FAF1: variants seen among roughly 807,000 people sequenced by gnomAD.
The protein encoded by FAF1 is FAS-associated factor 1.
In FAF1, 25 loss-of-function variants were observed where a neutral mutation model predicts 92.5. That is an observed-to-expected ratio of 0.27 (90% confidence interval 0.20 to 0.38). The LOEUF is 0.38. Among genes scored for constraint, FAF1 ranks in the 10% least tolerant of loss-of-function variants. The pLI is 1.00. For missense variants in FAF1, 636 were observed against 793.3 expected, an observed-to-expected ratio of 0.80 and a Z score of 2.38; for synonymous variants, 234 against 273.2, an observed-to-expected ratio of 0.86 and a Z score of 1.42.
At chr1:50,880,076 C>G (rs1644599639) in intron 1 of FAF1, among the ~76,000 whole-genome samples, 1 of 152,206 alleles carries the variant, frequency 6.6e-6, no homozygotes, top group Non-Finnish European at 1.5e-5. Context: ...GTTAAAACTT[C>G]TATTTTGGCC....
At position 50,919,576 on chromosome 1, in the gene FAF1, C is replaced by T. The variant is rs937380900; in HGVS notation, c.45+40191G>A. ...GGTCTCGGCTCACTGCAACCTCCGCCTCCCGGGTTCAAGCGATTCTCCTGC... is the reference window on the plus strand; with the variant it reads ...GGTCTCGGCTCACTGCAACCTCCGCTTCCCGGGTTCAAGCGATTCTCCTGC... On this transcript the variant is annotated intron_variant, in intron 1 of 18. Coordinates refer to ENST00000396153, the MANE Select transcript of FAF1 (RefSeq NM_007051.3). Among the ~76,000 whole-genome samples the T allele has an allele frequency of 7.2e-5, 11 of 151,968 alleles. No individual in the cohort carries two copies. In the South Asian group the frequency reaches 2.3e-3, roughly 32 times the overall value.
At position 50,857,976 on chromosome 1, in the gene FAF1, TG is replaced by T; in HGVS notation, c.66del (p.Asn22LysfsTer16). On this transcript the variant is annotated frameshift_variant, in exon 2 of 19. Transcript: ENST00000396153. LOFTEE classifies it high-confidence loss of function. ...ADFQACTGIE[N>X]IDEAITLLEQ... The stretch of plus-strand genomic sequence containing the variant: ...TCAAGCAATGTAATAGCTTCGTCAA[TG>T]TTTTCAATGCCAGTACATGCCTGGA... 1 of 1,602,292 alleles carries T rather than the reference TG, an allele frequency of 6.2e-7. No homozygotes were observed. The highest frequency in any genetic ancestry group is 2.3e-5 in the East Asian group (1 of 44,288).
intron 15 of FAF1, among the ~76,000 whole-genome samples, chr1:50,518,805 T>C (rs116102074): frequency 0.032 from 4,812 of 152,256 alleles, 265 homozygotes; most frequent in African/African-American, 0.11. Flanking sequence ...GGTTGCTGTA[T>C]CATAAGTTAA....
chr1:50,483,239 G>T (rs981690734), intron 17 of FAF1, among the ~76,000 whole-genome samples: 2 of 152,010 alleles, frequency 1.3e-5, no homozygotes, highest in Admixed American at 6.6e-5. Flanking sequence ...AATTGTTGCA[G>T]CATCATGTGT....
At chr1:50,726,051 G>A (rs1334916548) in intron 6 of FAF1, among the ~76,000 whole-genome samples, 4 of 151,608 alleles carry the variant, frequency 2.6e-5, no homozygotes, top group African/African-American at 7.3e-5. Context: ...TCAAGAGTTC[G>A]AGACCAGCCT....
At chr1:50,805,776 A>G (rs900557529) in intron 2 of FAF1, among the ~76,000 whole-genome samples, 2 of 152,246 alleles carry the variant, frequency 1.3e-5, no homozygotes, top group African/African-American at 4.8e-5. Flanking sequence ...TGAGACAGGG[A>G]TGTAGAGACA....
chr1:50,933,904 G>A (rs186254481), intron 1 of FAF1, among the ~76,000 whole-genome samples: 64 of 152,284 alleles, frequency 4.2e-4, no homozygotes, highest in Non-Finnish European at 7.9e-4. Context: ...CAGATCTTGT[G>A]AGACTTATTC....
rs35479561 is a variant in FAF1, at chr1:50,457,724, C to CAAAAAAAAAAAAAAAAAAAAAAAAAA, written c.1870-16202_1870-16201insTTTTTTTTTTTTTTTTTTTTTTTTTT. Among the ~76,000 whole-genome samples the CAAAAAAAAAAAAAAAAAAAAAAAAAA allele has an allele frequency of 1.4e-3, 77 of 56,548 alleles. 1 individual carries two copies. Among genetic ancestry groups the CAAAAAAAAAAAAAAAAAAAAAAAAAA allele is most frequent in the Non-Finnish European group, 1.9e-3 (62 of 33,388 alleles). 37.1% of individuals were successfully genotyped at this position (56,548 alleles called of 152,430 possible). A position where few individuals can be genotyped will look rare whatever the true frequency, so the allele number is the denominator to read the frequency against. On this transcript the variant is annotated intron_variant, in intron 18 of 18. Coordinates refer to ENST00000396153, the MANE Select transcript of FAF1 (RefSeq NM_007051.3). ...GCAATTCGGTGAAACCCCATCTCTGCAAAAAAAAAAAAAAAAAAAAAATAC... is the reference window on the plus strand; with the variant it reads ...GCAATTCGGTGAAACCCCATCTCTGCAAAAAAAAAAAAAAAAAAAAAAAAAAAAAAAAAAAAAAAAAAAAAAAATAC...
intron 4 of FAF1, among the ~76,000 whole-genome samples, chr1:50,768,347 A>G (rs1660655197): frequency 6.6e-6 from 1 of 152,162 alleles, no homozygotes; most frequent in South Asian, 2.1e-4. Flanking sequence ...CAATAATAGT[A>G]GACTTCAACA....
At chr1:50,729,163 C>A (rs2124470008) in intron 6 of FAF1, among the ~76,000 whole-genome samples, 1 of 150,368 alleles carries the variant, frequency 6.7e-6, no homozygotes, top group South Asian at 2.1e-4. Context: ...TCAAGTGATT[C>A]TCCTGCCTCA....
intron 18 of FAF1, among the ~76,000 whole-genome samples, chr1:50,443,615 T>A (rs111476427): frequency 1.3e-5 from 2 of 152,178 alleles, no homozygotes; most frequent in Non-Finnish European, 2.9e-5. Flanking sequence ...CCTACCAGTA[T>A]GACTTTGAAG....
chr1:50,740,641 G>A (rs1659345238), intron 5 of FAF1, among the ~76,000 whole-genome samples: 1 of 151,638 alleles, frequency 6.6e-6, no homozygotes, highest in South Asian at 2.1e-4. Flanking sequence ...TAATGCTGCT[G>A]ACTATAACCC....
intron 13 of FAF1, among the ~76,000 whole-genome samples, chr1:50,546,391 A>T (rs1316731350): frequency 1.3e-5 from 2 of 152,158 alleles, no homozygotes; most frequent in African/African-American, 4.8e-5. Context: ...TTTGAGACAG[A>T]GTCTCACTCT....
At chr1:50,576,674 G>A (rs1235669542) in intron 12 of FAF1, among the ~76,000 whole-genome samples, 1 of 125,676 alleles carries the variant, frequency 8.0e-6, no homozygotes, top group Non-Finnish European at 1.6e-5. Flanking sequence ...ATATGATCTT[G>A]TTCTCTTGCC....
chr1:50,450,107 T>C (rs1002543557), intron 18 of FAF1, among the ~76,000 whole-genome samples: 5 of 151,442 alleles, frequency 3.3e-5, no homozygotes, highest in African/African-American at 9.7e-5. Context: ...GACAAGAGAA[T>C]TGCTTGAACC....
At chr1:50,595,346 A>T (rs1010477975) in intron 9 of FAF1, among the ~76,000 whole-genome samples, 3 of 151,414 alleles carry the variant, frequency 2.0e-5, no homozygotes, top group African/African-American at 7.3e-5. Flanking sequence ...AAGTCACTGT[A>T]CCTGGCCACT....
At chr1:50,905,600 T>C (rs1380303578) in intron 1 of FAF1, among the ~76,000 whole-genome samples, 3 of 152,184 alleles carry the variant, frequency 2.0e-5, no homozygotes, top group African/African-American at 7.2e-5. Context: ...GGTATCTGAT[T>C]GTGGTTTTAA....
chr1:50,572,012 G>A lies in FAF1; in HGVS notation c.1114-4781C>T, dbSNP rs116074529. ...AGTTTTTTTCAGTGTTAAAACTATAGTATAAAATAATTTCCTTGTGTAAAT... is the reference window on the plus strand; with the variant it reads ...AGTTTTTTTCAGTGTTAAAACTATAATATAAAATAATTTCCTTGTGTAAAT... On this transcript the variant is annotated intron_variant, in intron 12 of 18. Transcript: ENST00000396153. Among the ~76,000 whole-genome samples, 662 of 152,232 alleles carry A rather than the reference G, an allele frequency of 4.3e-3. 4 individuals carry two copies. The highest frequency in any genetic ancestry group is 0.016 in the African/African-American group (645 of 41,542).
chr1:50,853,102 T>C (rs1285826468), intron 2 of FAF1, among the ~76,000 whole-genome samples: 1 of 152,146 alleles, frequency 6.6e-6, no homozygotes, highest in Non-Finnish European at 1.5e-5. Context: ...TTATTATCAA[T>C]GGTTAGTCTA....
Sources: gnomAD v4.1 joint callset for allele counts (sites outside exome capture counted in the v4.1 genomes callset) on GRCh38, gnomAD v4.1.1 for gene constraint, MANE v1.5 for transcripts, NCBI Gene and HGNC (gene_info 2026-07-23, HGNC 2026-07-21) for gene names.